Variants in METTL25B observed in about 807,000 individuals in gnomAD.
METTL25B encodes the protein methyltransferase-like protein 25B.
Under a neutral mutation model 48.4 loss-of-function variants are expected in METTL25B, and 38 were observed. The observed-to-expected ratio is 0.78, with a 90% CI of 0.61 to 1.03. METTL25B has a LOEUF of 1.03. Ranked by LOEUF, METTL25B falls within the 50% of genes least tolerant of loss-of-function variation. The pLI, the probability that METTL25B is intolerant of heterozygous loss-of-function variation, is 0.00. For missense variants in METTL25B, 537 were observed against 603.7 expected, an observed-to-expected ratio of 0.89 and a Z score of 1.16; for synonymous variants, 230 against 254.5, an observed-to-expected ratio of 0.90 and a Z score of 0.92.
Position 156,728,627 on chromosome 1 carries a change from TGGGGGCGGGGGC to T in METTL25B, c.-474_-463del, listed in dbSNP as rs1037608431. 3.9e-6 allele frequency: 1 copy of T among 258,634 alleles called. No individual in the cohort carries two copies. The highest frequency in any genetic ancestry group is 1.6e-4 in the South Asian group (1 of 6,110). The allele number at this position is 258,634 out of a possible 1,614,324, so 16.0% of individuals were successfully genotyped here. The stretch of plus-strand genomic sequence containing the variant: ...GCGGCGGAGGAGGGGGCGGCGTGGG[TGGGGGCGGGGGC>T]GGGATGCGCTCCCCGGCCCCTCTAG... On this transcript the variant is annotated 5_prime_UTR_variant, in exon 1 of 8. Transcript: ENST00000368216.
Position 156,732,470 on chromosome 1 carries a change from A to G in METTL25B, c.426A>G (p.Gly142=). 6.2e-7 allele frequency: 1 copy of G among 1,613,112 alleles called. No individual in the cohort carries two copies. The highest frequency in any genetic ancestry group is 1.1e-5 in the South Asian group (1 of 91,084). Reference sequence around the variant, plus strand: ...AGCAGCATGAGATCCGGAGGCTGGGAGAGGTGAGGAGATGGCTGGAGCATG... The same window carrying G: ...AGCAGCATGAGATCCGGAGGCTGGGGGAGGTGAGGAGATGGCTGGAGCATG... The part of the protein sequence containing the change: ...PKKQHEIRRL[G]ELVKKLSDFT... Residue 142 remains glycine (G), a synonymous_variant, in exon 3 of 8, where the codon GGA becomes GGG. Transcript: ENST00000368216.
intron 6 of METTL25B, among the ~76,000 whole-genome samples, chr1:156,734,963 T>A (rs919298601): frequency 4.6e-5 from 7 of 152,128 alleles, no homozygotes; most frequent in Non-Finnish European, 1.0e-4. Flanking sequence ...TTAAGAGAGT[T>A]GTCCCTCTTT....
At chr1:156,729,246 T>C (rs1161393076) in intron 1 of METTL25B, 31 bp downstream of exon 1, 1 of 1,403,186 alleles carries the variant, frequency 7.1e-7, no homozygotes, top group Middle Eastern at 1.8e-4. Flanking sequence ...GTGGGATGTC[T>C]CTGGTCGTGT....
chr1:156,736,476 G>A, intron 7 of METTL25B, 156 bp from the exon 8 acceptor site: 1 of 778,260 alleles, frequency 1.3e-6, no homozygotes, highest in Non-Finnish European at 2.1e-6. Flanking sequence ...CCAAGTCAGT[G>A]CCTTGGGAAC....
At chr1:156,733,088 G>A in intron 4 of METTL25B, 41 bp downstream of exon 4, 1 of 1,581,594 alleles carries the variant, frequency 6.3e-7, no homozygotes, top group Non-Finnish European at 8.7e-7. Flanking sequence ...TGAGTCATGG[G>A]GACATAGAAC....
chr1:156,732,240 G>T (rs1168864617), intron 2 of METTL25B, 41 bp from the exon 3 acceptor site: 1 of 1,610,988 alleles, frequency 6.2e-7, no homozygotes, highest in Non-Finnish European at 8.5e-7. Flanking sequence ...ACTCAGATGT[G>T]ATGGGACTAT....
chr1:156,729,291 G>A, intron 1 of METTL25B, 76 bp downstream of exon 1: 2 of 815,952 alleles, frequency 2.5e-6, no homozygotes, highest in Non-Finnish European at 4.1e-6. Flanking sequence ...GAGAGAATCT[G>A]GAGAATTAGC....
chr1:156,733,119 G>C, intron 4 of METTL25B, 72 bp downstream of exon 4: 1 of 1,424,148 alleles, frequency 7.0e-7, no homozygotes, highest in Non-Finnish European at 9.7e-7. Flanking sequence ...CAGGTTATCG[G>C]GCCACAGGCC....
intron 6 of METTL25B, among the ~76,000 whole-genome samples, 188 bp downstream of exon 6, chr1:156,734,681 G>A (rs1375240706): frequency 1.3e-5 from 2 of 151,678 alleles, no homozygotes; most frequent in African/African-American, 4.8e-5. Flanking sequence ...ACAGGTGCCC[G>A]CCACTACACC....
intron 1 of METTL25B, among the ~76,000 whole-genome samples, chr1:156,730,982 A>G (rs965472482): frequency 2.6e-5 from 4 of 152,238 alleles, no homozygotes; most frequent in Admixed American, 1.3e-4. Flanking sequence ...CCTATTCATC[A>G]TTCAAGTCTC....
In METTL25B at chr1:156,735,842, T is replaced by C. The variant is rs149632417; in HGVS notation, c.1239T>C (p.Ala413=). 6.2e-7 allele frequency: 1 copy of C among 1,612,896 alleles called. No individual in the cohort carries two copies. ...GTGTGGTGGCCTTCTTCAGCCTGGCTCTACTGCTTGCCCCACTGGTGGAGA... is the reference window on the plus strand; with the variant it reads ...GTGTGGTGGCCTTCTTCAGCCTGGCCCTACTGCTTGCCCCACTGGTGGAGA... The part of the protein sequence containing the change: ...ENRVVAFFSL[A]LLLAPLVETL... Residue 413 remains alanine, a synonymous_variant, in exon 7 of 8, where the codon GCT becomes GCC. Transcript: ENST00000368216.
intron 1 of METTL25B, among the ~76,000 whole-genome samples, chr1:156,729,792 G>T (rs913810345): frequency 6.6e-6 from 1 of 152,110 alleles, no homozygotes; most frequent in African/African-American, 2.4e-5. Context: ...GTCCTAGTCC[G>T]GGTTTCCTCA....
rs1649838155 is a variant in METTL25B at position 156,736,694 on chromosome 1, G to A, written c.1369G>A (p.Val457Met). ...ACTCTCTCCCAGAAACCTGGTTCTG[G>A]TGGCCACCAAGATGCCCCTGGGTCA... ...PELSPRNLVL[V>M]ATKMPLGQAL... Residue 457 changes from valine to methionine, a missense_variant, in exon 8 of 8, where the codon GTG becomes ATG. By Grantham distance (21) the Val-to-Met change is conservative. Transcript: ENST00000368216. 6.2e-7 allele frequency: 1 copy of A among 1,613,892 alleles called. No individual in the cohort carries two copies. The highest frequency in any genetic ancestry group is 1.3e-5 in the African/African-American group (1 of 75,024).
Position 156,729,182 on chromosome 1 carries a change from ACT to A in METTL25B, c.81_82del (p.Tyr28ProfsTer109), listed in dbSNP as rs1558016555. On this transcript the variant is annotated frameshift_variant, in exon 1 of 8. Coordinates refer to ENST00000368216, the MANE Select transcript of METTL25B (RefSeq NM_015997.4). LOFTEE classifies it high-confidence loss of function. ...CTGTTAACCTCACCCGTGTCCTGGCACTCTACCGTTCCATCTTGGATGCCTAC... is the reference window on the plus strand; with the variant it reads ...CTGTTAACCTCACCCGTGTCCTGGCACTACCGTTCCATCTTGGATGCCTAC... ...LAVNLTRVLALYRSILDAYII... is the reference protein window; with the variant it reads ...LAVNLTRVLAXYRSILDAYII... 2 of 1,606,164 alleles carry A rather than the reference ACT, an allele frequency of 1.2e-6. No homozygotes were observed. Among genetic ancestry groups the A allele is most frequent in the Admixed American group, 3.4e-5 (2 of 59,024 alleles).
At chr1:156,732,622 G>C (rs549031697) in intron 3 of METTL25B, 149 bp downstream of exon 3, 5 of 770,410 alleles carry the variant, frequency 6.5e-6, no homozygotes, top group Non-Finnish European at 1.0e-5. Context: ...ATCATATTTT[G>C]ATGCTGGGGT....
chr1:156,729,218 G>A lies in METTL25B; in HGVS notation c.111+3G>A. ...CCATCTTGGATGCCTACATCATCGT[G>A]AGGCCACAGGGGCGTGGGTGGGATG... On this transcript the variant is annotated splice_donor_region_variant and intron_variant, in intron 1 of 7. Coordinates refer to ENST00000368216, the MANE Select transcript of METTL25B (RefSeq NM_015997.4). The A allele has an allele frequency of 1.3e-6, 2 of 1,578,928 alleles. No individual in the cohort carries two copies. The highest frequency in any genetic ancestry group is 1.7e-6 in the Non-Finnish European group (2 of 1,149,968).
chr1:156,736,667 G>T lies in METTL25B; in HGVS notation c.1342G>T (p.Glu448Ter). 1 of 1,613,916 alleles carries T rather than the reference G, an allele frequency of 6.2e-7. No homozygotes were observed. Residue 448 changes from glutamate (E) to a stop codon, truncating the protein, a stop_gained, in exon 8 of 8, where the codon GAA (glutamate) becomes TAA (stop). Coordinates refer to ENST00000368216, the MANE Select transcript of METTL25B (RefSeq NM_015997.4). LOFTEE classifies it high-confidence loss of function. The part of the protein sequence containing the change: ...HAELLPIFSP[E>*]LSPRNLVLVA... ...TGAGCTCCTGCCCATCTTCAGTCCT[G>T]AACTCTCTCCCAGAAACCTGGTTCT...
At chr1:156,735,415 CA>C (rs1649664699) in intron 6 of METTL25B, among the ~76,000 whole-genome samples, 1 of 141,818 alleles carries the variant, frequency 7.1e-6, no homozygotes, top group African/African-American at 2.7e-5. Flanking sequence ...TTCAAAAATA[CA>C]TGGCCAGGTG....
chr1:156,735,798 C>G lies in METTL25B; in HGVS notation c.1195C>G (p.His399Asp), dbSNP rs1571522803. Reference sequence around the variant, plus strand: ...ACTGAATCTGGCTGCCCTTCAGGCCCACGTGGCCCAGGAGAACCGTGTGGT... The same window carrying G: ...ACTGAATCTGGCTGCCCTTCAGGCCGACGTGGCCCAGGAGAACCGTGTGGT... The part of the protein sequence containing the change: ...LPLNLAALQA[H>D]VAQENRVVAF... The change falls in exon 7 of 8, where the codon CAC becomes GAC. Residue 399 changes from histidine (H) to aspartate (D), a missense_variant. His to Asp is a moderately conservative substitution (Grantham distance 81). Transcript: ENST00000368216. 1 of 1,612,124 alleles carries G rather than the reference C, an allele frequency of 6.2e-7. No homozygotes were observed. Among genetic ancestry groups the G allele is most frequent in the East Asian group, 2.2e-5 (1 of 44,594 alleles).
Sources: allele counts gnomAD v4.1 joint callset (sites outside exome capture counted in the v4.1 genomes callset), GRCh38; gene constraint gnomAD v4.1.1; transcripts MANE v1.5; gene names NCBI Gene and HGNC (gene_info 2026-07-23, HGNC 2026-07-21).